Variants in NTNG1 observed in about 807,000 individuals in gnomAD.
NTNG1 encodes netrin G1, also known as netrin-G1.
Under a neutral mutation model 54.0 loss-of-function variants are expected in NTNG1, and 16 were observed. The observed-to-expected ratio is 0.30, with a 90% CI of 0.20 to 0.45. The LOEUF is 0.45. Among genes scored for constraint, NTNG1 ranks in the 20% least tolerant of loss-of-function variants. NTNG1 has a pLI of 1.00. For synonymous variants in NTNG1, 255 were observed against 263.1 expected (o/e 0.97, Z 0.30); for missense variants, 530 against 678.7 (o/e 0.78, Z 2.43).
intron 2 of NTNG1, 82 bp from the exon 3 acceptor site, chr1:107,324,200 C>G (rs1667814102): frequency 1.6e-6 from 2 of 1,282,824 alleles, no homozygotes; most frequent in Non-Finnish European, 2.2e-6. Flanking sequence ...CCTTTTCTAG[C>G]CTCTTACTGA....
At chr1:107,344,660 CTCT>C (rs905158682) in intron 3 of NTNG1, among the ~76,000 whole-genome samples, 1 of 152,060 alleles carries the variant, frequency 6.6e-6, no homozygotes, top group African/African-American at 2.4e-5. Context: ...GGTTTGGGCC[CTCT>C]TCTTGGGCCC....
chr1:107,428,725 C>G (rs1557992068), intron 5 of NTNG1, among the ~76,000 whole-genome samples: 1 of 152,054 alleles, frequency 6.6e-6, no homozygotes, highest in Non-Finnish European at 1.5e-5. Context: ...GAAAGATTGT[C>G]TTTATTTCAA....
chr1:107,362,332 G>A (rs1201706989), intron 3 of NTNG1, among the ~76,000 whole-genome samples: 1 of 152,168 alleles, frequency 6.6e-6, no homozygotes, highest in Non-Finnish European at 1.5e-5. Flanking sequence ...ATGGAGAAGA[G>A]GCTTTTTATT....
intron 2 of NTNG1, among the ~76,000 whole-genome samples, chr1:107,173,886 C>A (rs550465672): frequency 6.6e-6 from 1 of 151,908 alleles, no homozygotes; most frequent in African/African-American, 2.4e-5. Context: ...AATCCGAATT[C>A]CATCAGAATT....
rs116121601 is a variant in NTNG1 at position 107,424,666 on chromosome 1, A to C, written c.1088-6084A>C. Among the ~76,000 whole-genome samples, 1,154 of 152,130 alleles carry C rather than the reference A, an allele frequency of 7.6e-3. 16 individuals are homozygous for C. Among genetic ancestry groups the C allele is most frequent in the African/African-American group, 0.027 (1,101 of 41,512 alleles). ...GGAATAGTCATGTAGTGAGATGGAG[A>C]AGCCTGGGTGAGTAGCAAGTTTAGG... On this transcript the variant is annotated intron_variant, in intron 5 of 7. Transcript: ENST00000370068.
intron 2 of NTNG1, among the ~76,000 whole-genome samples, chr1:107,288,342 A>G (rs1665343399): frequency 6.6e-6 from 1 of 152,218 alleles, no homozygotes; most frequent in Non-Finnish European, 1.5e-5. Flanking sequence ...TGGCTGGACC[A>G]CTGAAAATGA....
intron 7 of NTNG1, among the ~76,000 whole-genome samples, chr1:107,455,321 C>T (rs775753310): frequency 6.6e-6 from 1 of 152,198 alleles, no homozygotes; most frequent in Non-Finnish European, 1.5e-5. Flanking sequence ...GCCTCAGCCT[C>T]CCAAAGTGCT....
chr1:107,169,062 T>C (rs1656024873), intron 2 of NTNG1, among the ~76,000 whole-genome samples: 2 of 152,180 alleles, frequency 1.3e-5, no homozygotes, highest in African/African-American at 4.8e-5. Flanking sequence ...TGAATCAAAT[T>C]CTTTTTTCTT....
chr1:107,477,412 T>C (rs1417622144), intron 7 of NTNG1, among the ~76,000 whole-genome samples: 1 of 152,212 alleles, frequency 6.6e-6, no homozygotes, highest in East Asian at 1.9e-4. Context: ...TGCCTCCTAC[T>C]TTCTCTGCTC....
intron 7 of NTNG1, among the ~76,000 whole-genome samples, chr1:107,446,070 T>C (rs1676289475): frequency 6.6e-6 from 1 of 152,070 alleles, no homozygotes; most frequent in Admixed American, 6.6e-5. Context: ...ATAAAGAATG[T>C]GAAGCAGAAG....
chr1:107,473,151 G>C (rs1000706096), intron 7 of NTNG1, among the ~76,000 whole-genome samples: 1 of 152,156 alleles, frequency 6.6e-6, no homozygotes, highest in Non-Finnish European at 1.5e-5. Flanking sequence ...CAACCATCAA[G>C]AAAAGCTGTC....
chr1:107,200,047 A>G (rs1251344984), intron 2 of NTNG1, among the ~76,000 whole-genome samples: 1 of 151,850 alleles, frequency 6.6e-6, no homozygotes, highest in Non-Finnish European at 1.5e-5. Flanking sequence ...TAGACATGAC[A>G]AGTACTATGA....
intron 3 of NTNG1, among the ~76,000 whole-genome samples, chr1:107,367,684 G>A (rs1026482790): frequency 3.3e-5 from 5 of 152,042 alleles, no homozygotes; most frequent in African/African-American, 1.2e-4. Context: ...TTAGTCTACT[G>A]TAGTTACTCT....
At chr1:107,458,526 A>G (rs1412919381) in intron 7 of NTNG1, among the ~76,000 whole-genome samples, 1 of 152,182 alleles carries the variant, frequency 6.6e-6, no homozygotes, top group Non-Finnish European at 1.5e-5. Flanking sequence ...AAAATTAAAA[A>G]ATAGGTATCA....
At chr1:107,315,054 A>G (rs999426732) in intron 2 of NTNG1, among the ~76,000 whole-genome samples, 6 of 152,054 alleles carry the variant, frequency 3.9e-5, no homozygotes, top group Admixed American at 1.3e-4. Context: ...TCGCTCCACA[A>G]CTCCAAACCT....
intron 7 of NTNG1, among the ~76,000 whole-genome samples, chr1:107,456,176 A>G (rs895421700): frequency 2.6e-5 from 4 of 152,190 alleles, no homozygotes; most frequent in African/African-American, 9.7e-5. Flanking sequence ...GCATCCTGGA[A>G]TCACTTGGGG....
At chr1:107,229,465 AG>A (rs1660912015) in intron 2 of NTNG1, among the ~76,000 whole-genome samples, 1 of 151,698 alleles carries the variant, frequency 6.6e-6, no homozygotes, top group Admixed American at 6.6e-5. Flanking sequence ...CTGTCTTTCC[AG>A]AGCAGCTTAT....
At chr1:107,255,355 G>A (rs1662864033) in intron 2 of NTNG1, among the ~76,000 whole-genome samples, 1 of 152,172 alleles carries the variant, frequency 6.6e-6, no homozygotes, top group African/African-American at 2.4e-5. Context: ...AGGAGAAGCA[G>A]CCAAGAGCAT....
intron 2 of NTNG1, among the ~76,000 whole-genome samples, chr1:107,288,013 C>T (rs1411899161): frequency 6.6e-6 from 1 of 152,224 alleles, no homozygotes; most frequent in East Asian, 1.9e-4. Flanking sequence ...AGGAAGATTA[C>T]TCTGACCACA....
Sources: allele counts gnomAD v4.1 joint callset (sites outside exome capture counted in the v4.1 genomes callset), GRCh38; gene constraint gnomAD v4.1.1; transcripts MANE v1.5; gene names NCBI Gene and HGNC (gene_info 2026-07-23, HGNC 2026-07-21).